CDH18: variants seen among roughly 807,000 people sequenced by gnomAD.
CDH18 encodes cadherin-18.
In CDH18, 31 loss-of-function variants were observed where a neutral mutation model predicts 67.9. The ratio of observed to expected loss-of-function variants is 0.46; its 90% CI spans 0.34 to 0.62. The LOEUF is 0.62. Ranked by LOEUF, CDH18 falls within the 20% of genes least tolerant of loss-of-function variation. The pLI, the probability that CDH18 is intolerant of heterozygous loss-of-function variation, is 0.01. For missense variants in CDH18, 890 were observed against 975.5 expected, an observed-to-expected ratio of 0.91 and a Z score of 1.17; for synonymous variants, 362 against 347.2, an observed-to-expected ratio of 1.04 and a Z score of -0.48.
chr5:19,590,451 G>C (rs1744911211), intron 7 of CDH18, among the ~76,000 whole-genome samples: 1 of 150,630 alleles, frequency 6.6e-6, no homozygotes, highest in African/African-American at 2.4e-5. Flanking sequence ...AATCCAAATA[G>C]AAAAGTATAT....
intron 2 of CDH18, among the ~76,000 whole-genome samples, chr5:19,845,179 A>G (rs1331406177): frequency 1.3e-5 from 1 of 78,980 alleles, no homozygotes; most frequent in Non-Finnish European, 3.8e-5. Flanking sequence ...CAAAGAATTA[A>G]AAAAAAATAA....
At chr5:19,942,400 A>G (rs925576918) in intron 2 of CDH18, among the ~76,000 whole-genome samples, 1 of 152,190 alleles carries the variant, frequency 6.6e-6, no homozygotes, top group African/African-American at 2.4e-5. Context: ...GAAGAATGCT[A>G]CCATTTAGAA....
intron 1 of CDH18, among the ~76,000 whole-genome samples, chr5:20,329,092 T>C (rs12517789): frequency 0.029 from 4,399 of 152,288 alleles, 141 homozygotes; most frequent in Admixed American, 0.1. Flanking sequence ...ACTGTTTTAA[T>C]ATCCAACTCC....
At chr5:20,146,762 T>C (rs1399419336) in intron 2 of CDH18, among the ~76,000 whole-genome samples, 1 of 152,060 alleles carries the variant, frequency 6.6e-6, no homozygotes, top group Admixed American at 6.6e-5. Context: ...ATGTATTAAC[T>C]GACAATACCA....
chr5:20,296,862 GAAAT>G (rs1747580985), intron 1 of CDH18, among the ~76,000 whole-genome samples: 4 of 151,672 alleles, frequency 2.6e-5, no homozygotes, highest in African/African-American at 9.7e-5. Flanking sequence ...TGCTTAAAGT[GAAAT>G]AAATGAATAA....
chr5:20,449,473 A>C (rs2150204362), intron 1 of CDH18, among the ~76,000 whole-genome samples: 1 of 152,216 alleles, frequency 6.6e-6, no homozygotes, highest in South Asian at 2.1e-4. Context: ...TAAAGACATA[A>C]TTTATAAATT....
rs371075575 is a variant in CDH18, at chr5:20,422,025, T to G, written c.-580+153437A>C. On this transcript the variant is annotated intron_variant, in intron 1 of 14. Transcript: ENST00000507958. Reference sequence around the variant, plus strand: ...GTGGACAAGTTAATTAGGGAGGCATTTTTATAGTAATGACACATCAGACTA... The same window carrying G: ...GTGGACAAGTTAATTAGGGAGGCATGTTTATAGTAATGACACATCAGACTA... 3.3e-5 allele frequency among the ~76,000 whole-genome samples: 5 copies of G among 151,010 alleles called. No individual in the cohort carries two copies. In the East Asian group the frequency reaches 7.7e-4, roughly 23 times the overall value.
At chr5:20,014,682 A>G (rs1737731496) in intron 2 of CDH18, among the ~76,000 whole-genome samples, 1 of 152,172 alleles carries the variant, frequency 6.6e-6, no homozygotes, top group Non-Finnish European at 1.5e-5. Context: ...AGAGAAGATT[A>G]AAAATGTTAT....
chr5:19,492,734 A>G (rs1004859628), intron 11 of CDH18, among the ~76,000 whole-genome samples: 3 of 152,106 alleles, frequency 2.0e-5, no homozygotes, highest in Non-Finnish European at 2.9e-5. Flanking sequence ...GTATTTTACA[A>G]TATATATTAT....
At chr5:20,568,100 G>A (rs1758615609) in intron 1 of CDH18, among the ~76,000 whole-genome samples, 1 of 152,094 alleles carries the variant, frequency 6.6e-6, no homozygotes, top group Non-Finnish European at 1.5e-5. Context: ...CTGTAGATTA[G>A]CCCTATAAGG....
At chr5:19,820,835 C>T (rs1288860146) in intron 3 of CDH18, among the ~76,000 whole-genome samples, 2 of 152,140 alleles carry the variant, frequency 1.3e-5, no homozygotes, top group Non-Finnish European at 2.9e-5. Flanking sequence ...AACTAAGGAA[C>T]CCATACAGAG....
At chr5:20,394,515 C>G (rs951948021) in intron 1 of CDH18, among the ~76,000 whole-genome samples, 6 of 147,652 alleles carry the variant, frequency 4.1e-5, no homozygotes, top group Non-Finnish European at 9.0e-5. Flanking sequence ...GGGCGTTGGT[C>G]TAGGCAAATA....
Position 20,398,770 on chromosome 5 carries a change from C to T in CDH18, c.-579-143265G>A, listed in dbSNP as rs542246288. Among the ~76,000 whole-genome samples, 113 of 149,904 alleles carry T rather than the reference C, an allele frequency of 7.5e-4. 1 individual carries two copies. The highest frequency in any genetic ancestry group is 3.5e-3 in the Middle Eastern group (1 of 286). On this transcript the variant is annotated intron_variant, in intron 1 of 14. Coordinates refer to the CDH18 transcript ENST00000507958. The stretch of plus-strand genomic sequence containing the variant: ...CTACATAAAAAACCACCAGGGCACA[C>T]GTATACCTACGTAGAAAACCACCAC...
chr5:19,490,837 A>G (rs1028511242), intron 11 of CDH18, among the ~76,000 whole-genome samples: 2 of 152,242 alleles, frequency 1.3e-5, no homozygotes, highest in African/African-American at 4.8e-5. Flanking sequence ...TGGCAAATCC[A>G]TAAGGGGAAA....
Position 19,952,238 on chromosome 5 carries a change from A to G in CDH18, c.-257+28822T>C, listed in dbSNP as rs146571565. ...CTAATTTTTTGTGGTTTTAGTAGAG[A>G]CAGGGTTTCACCGTGTTAGCCAGGA... On this transcript the variant is annotated intron_variant, in intron 2 of 12. Transcript: ENST00000382275. Among the ~76,000 whole-genome samples, 618 of 152,182 alleles carry G rather than the reference A, an allele frequency of 4.1e-3. 2 individuals carry two copies. Among genetic ancestry groups the G allele is most frequent in the Non-Finnish European group, 7.1e-3 (484 of 68,000 alleles).
In CDH18 at chr5:20,390,483, A is replaced by G. The variant is rs549686709; in HGVS notation, c.-579-134978T>C. On this transcript the variant is annotated intron_variant, in intron 1 of 14. Transcript: ENST00000507958. ...GAATGGCGATCATTAAAAAGTCAGG[A>G]AACAACAGGTGCTGGAGAGGATGTG... Among the ~76,000 whole-genome samples the G allele has an allele frequency of 1.9e-3, 292 of 152,282 alleles. 1 individual carries two copies. The highest frequency in any genetic ancestry group is 0.01 in the Middle Eastern group (3 of 294).
chr5:20,278,430 AAAAT>A (rs1745974471), intron 1 of CDH18, among the ~76,000 whole-genome samples: 1 of 152,134 alleles, frequency 6.6e-6, no homozygotes, highest in Non-Finnish European at 1.5e-5. Context: ...TCAAACATAA[AAAAT>A]AAATACAATC....
intron 2 of CDH18, among the ~76,000 whole-genome samples, chr5:19,883,334 G>A (rs1787865835): frequency 6.6e-6 from 1 of 152,084 alleles, no homozygotes; most frequent in African/African-American, 2.4e-5. Flanking sequence ...TACCGTTAGA[G>A]TAGCACTCAA....
intron 5 of CDH18, among the ~76,000 whole-genome samples, chr5:19,667,984 G>C (rs1333699903): frequency 6.6e-6 from 1 of 151,850 alleles, no homozygotes; most frequent in Non-Finnish European, 1.5e-5. Flanking sequence ...CAGATATTTA[G>C]TTTAACCAAT....
Sources: allele counts gnomAD v4.1 joint callset (sites outside exome capture counted in the v4.1 genomes callset), GRCh38; gene constraint gnomAD v4.1.1; transcripts MANE v1.5; gene names NCBI Gene and HGNC (gene_info 2026-07-23, HGNC 2026-07-21).